ZNF486: variants seen among roughly 807,000 people sequenced by gnomAD.
ZNF486 encodes the protein zinc finger protein 486.
A neutral mutation model predicts 12.8 loss-of-function variants in ZNF486; 12 were observed. The observed-to-expected ratio is 0.94, with a 90% CI of 0.60 to 1.52. The LOEUF is 1.52. Among genes scored for constraint, ZNF486 ranks in the 40% most tolerant of loss-of-function variants. ZNF486 has a pLI of 0.00. For missense variants in ZNF486, 738 were observed against 545.0 expected, an observed-to-expected ratio of 1.35 and a Z score of -3.53; for synonymous variants, 231 against 184.9, an observed-to-expected ratio of 1.25 and a Z score of -2.02.
chr19:20,183,478 A>C (rs1292708176), intron 1 of ZNF486, among the ~76,000 whole-genome samples: 1 of 152,238 alleles, frequency 6.6e-6, no homozygotes, highest in Non-Finnish European at 1.5e-5. Flanking sequence ...GGAGTTATCA[A>C]AAACTTTGAA....
chr19:20,186,784 G>GTTTTTTTTTGTTTTT (rs781965467), intron 3 of ZNF486, among the ~76,000 whole-genome samples: 1 of 122,482 alleles, frequency 8.2e-6, no homozygotes, highest in African/African-American at 3.3e-5. Flanking sequence ...ATTTTCATAG[G>GTTTTTTTTTGTTTTT]TTTTTTTTTT....
chr19:20,175,860 T>C (rs373497756), intron 1 of ZNF486, among the ~76,000 whole-genome samples: 116 of 152,210 alleles, frequency 7.6e-4, no homozygotes, highest in Middle Eastern at 3.4e-3. Context: ...ACCTCCCAGA[T>C]GGGGTGGTGG....
At position 20,174,922 on chromosome 19, in the gene ZNF486, C is replaced by T. The variant is rs374162380; in HGVS notation, c.30+7562C>T. On this transcript the variant is annotated intron_variant, in intron 1 of 3. Transcript: ENST00000335117. ...GGACAAATAAAGACATGTGATGTGG[C>T]CACCCAAAAACCATAATAGCTCTTC... is the stretch of plus-strand genomic sequence containing the variant. 3.3e-5 allele frequency: 5 copies of T among 152,198 alleles called. No individual in the cohort carries two copies. The East Asian group carries it at 9.6e-4, about 29-fold the overall frequency. The allele number at this position is 152,198 out of a possible 1,614,324, so 9.4% of individuals were successfully genotyped here.
intron 1 of ZNF486, among the ~76,000 whole-genome samples, chr19:20,171,415 G>A (rs1192934421): frequency 6.6e-6 from 1 of 152,136 alleles, no homozygotes; most frequent in Non-Finnish European, 1.5e-5. Context: ...CTCCTCCCAG[G>A]ACTAGGCATC....
intron 3 of ZNF486, among the ~76,000 whole-genome samples, chr19:20,189,593 ATTTTGTGCATTC>A (rs2089883176): frequency 6.6e-6 from 1 of 152,154 alleles, no homozygotes; most frequent in Non-Finnish European, 1.5e-5. Context: ...CAAATCAGTA[ATTTTGTGCATTC>A]TTTCAAATGC....
rs959161048 is a variant in ZNF486 at position 20,197,187 on chromosome 19, T to C, written c.477T>C (p.Tyr159=). 9 of 1,613,264 alleles carry C rather than the reference T, an allele frequency of 5.6e-6. No homozygotes were observed. In the Admixed American group the frequency reaches 8.4e-5, roughly 15 times the overall value. ...GCAAAATATTTCAATGTGGTAAATA[T>C]GTGAAAGTCTTTCATCAATTTTCAA... ...TQSKIFQCGK[Y]VKVFHQFSNS... Residue 159 remains tyrosine (Y), a synonymous_variant, in exon 4 of 4, where the codon TAT becomes TAC. Transcript: ENST00000335117.
At chr19:20,183,419 G>A (rs1214521972) in intron 1 of ZNF486, among the ~76,000 whole-genome samples, 1 of 152,192 alleles carries the variant, frequency 6.6e-6, no homozygotes, top group African/African-American at 2.4e-5. Context: ...GCTCTCTTGG[G>A]TGCTAAATGA....
At chr19:20,194,756 T>G (rs2089941454) in intron 3 of ZNF486, among the ~76,000 whole-genome samples, 1 of 152,124 alleles carries the variant, frequency 6.6e-6, no homozygotes, top group Non-Finnish European at 1.5e-5. Flanking sequence ...GGTTATCTCA[T>G]GAGACTATGC....
intron 1 of ZNF486, among the ~76,000 whole-genome samples, chr19:20,181,794 T>A (rs543981604): frequency 6.6e-6 from 1 of 152,276 alleles, no homozygotes; most frequent in East Asian, 1.9e-4. Flanking sequence ...TTTAAAAAAA[T>A]TCATGACAGA....
intron 1 of ZNF486, among the ~76,000 whole-genome samples, chr19:20,172,091 A>G (rs1001925239): frequency 1.3e-5 from 2 of 151,878 alleles, no homozygotes; most frequent in Admixed American, 6.6e-5. Context: ...CACAACCTCA[A>G]CTTCCTGGTT....
At position 20,199,548 on chromosome 19, in the gene ZNF486, C is replaced by T. The variant is rs553991070; in HGVS notation, c.*1446C>T. ...GAGTTTGAGATCAGACTGACCAAAA[C>T]GGAGAAACCCAGTCTCTACTGAAAA... On this transcript the variant is annotated 3_prime_UTR_variant, in exon 4 of 4. Transcript: ENST00000335117. 9 of 151,498 alleles carry T rather than the reference C, an allele frequency of 5.9e-5. No homozygotes were observed. Among genetic ancestry groups the T allele is most frequent in the East Asian group, 2.0e-4 (1 of 5,084 alleles). The allele number at this position is 151,498 out of a possible 1,614,324, so 9.4% of individuals were successfully genotyped here.
Position 20,198,095 on chromosome 19 carries a change from G to C in ZNF486, c.1385G>C (p.Arg462Thr). Residue 462 changes from arginine (R) to threonine (T), a missense_variant, in exon 4 of 4, where the codon AGA becomes ACA. By Grantham distance (71) the Arg-to-Thr change is moderately conservative. Coordinates refer to ENST00000335117, the MANE Select transcript of ZNF486 (RefSeq NM_052852.4). ...AGAATTCATATTGGACAGAAACCAA[G>C]AACGTGACAAAGGATTATTTTATTA... ...HKRIHIGQKP[R>T]T 6.3e-7 allele frequency: 1 copy of C among 1,575,822 alleles called. No individual in the cohort carries two copies. The highest frequency in any genetic ancestry group is 8.6e-7 in the Non-Finnish European group (1 of 1,162,246).
chr19:20,173,020 TTACTC>T (rs1331032260), intron 1 of ZNF486, among the ~76,000 whole-genome samples: 1 of 152,220 alleles, frequency 6.6e-6, no homozygotes, highest in Non-Finnish European at 1.5e-5. Context: ...TGTAGATTGT[TTACTC>T]TGTTGATAGT....
At chr19:20,182,228 G>A (rs1253116026) in intron 1 of ZNF486, among the ~76,000 whole-genome samples, 1 of 152,162 alleles carries the variant, frequency 6.6e-6, no homozygotes, top group Non-Finnish European at 1.5e-5. Flanking sequence ...AGCATTGACA[G>A]GGGACTTGTT....
At chr19:20,195,916 G>A (rs562256689) in intron 3 of ZNF486, among the ~76,000 whole-genome samples, 98 of 152,098 alleles carry the variant, frequency 6.4e-4, no homozygotes, top group African/African-American at 2.2e-3. Flanking sequence ...TATGTCATGG[G>A]ACACATTATC....
At chr19:20,180,500 A>G (rs1485316184) in intron 1 of ZNF486, among the ~76,000 whole-genome samples, 5 of 152,208 alleles carry the variant, frequency 3.3e-5, no homozygotes, top group Non-Finnish European at 7.3e-5. Flanking sequence ...CTTGGGTTTT[A>G]TTTAGGCCAC....
chr19:20,186,568 T>G (rs116657685), intron 3 of ZNF486, among the ~76,000 whole-genome samples: 9,269 of 152,248 alleles, frequency 0.061, 351 homozygotes, highest in African/African-American at 0.11. Context: ...AGTTTGAAAT[T>G]ATAAGTATGA....
chr19:20,186,595 T>A (rs2089849518), intron 3 of ZNF486, among the ~76,000 whole-genome samples: 1 of 152,140 alleles, frequency 6.6e-6, no homozygotes, highest in African/African-American at 2.4e-5. Context: ...TCTGCTTTGA[T>A]CTTTTTCCTC....
chr19:20,197,398 A>T lies in ZNF486; in HGVS notation c.688A>T (p.Ile230Leu), dbSNP rs148497901. ...GTCCTCACACCTTACTACACATAAG[A>T]TAACTCATACTAGAGAGAAACCCTA... ...NRSSHLTTHK[I>L]THTREKPYKC... is the part of the protein sequence containing the mutation. Residue 230 changes from isoleucine (I) to leucine (L), a missense_variant, in exon 4 of 4, where the codon ATA becomes TTA. Physicochemically the swap from Ile to Leu is conservative, Grantham distance 5. Transcript: ENST00000335117. 33,932 of 1,613,454 alleles carry T rather than the reference A, an allele frequency of 0.021. 428 individuals carry two copies. Among genetic ancestry groups the T allele is most frequent in the Non-Finnish European group, 0.025 (29,919 of 1,179,630 alleles).
Sources: allele counts gnomAD v4.1 joint callset (sites outside exome capture counted in the v4.1 genomes callset), GRCh38; gene constraint gnomAD v4.1.1; transcripts MANE v1.5; gene names NCBI Gene and HGNC (gene_info 2026-07-23, HGNC 2026-07-21).